ITGAE: variants seen among roughly 807,000 people sequenced by gnomAD.
The protein encoded by ITGAE is integrin subunit alpha E, also known as integrin alpha-E.
In ITGAE, 99 loss-of-function variants were observed where a neutral mutation model predicts 136.5. The observed-to-expected ratio is 0.73, with a 90% CI of 0.62 to 0.86. ITGAE has a LOEUF of 0.86. ITGAE is among the 40% of genes least tolerant of loss of function. The pLI is 0.00. For synonymous variants in ITGAE, 613 were observed against 591.8 expected, an observed-to-expected ratio of 1.04 and a Z score of -0.52; for missense variants, 1,447 against 1,515.3, an observed-to-expected ratio of 0.95 and a Z score of 0.75.
At chr17:3,776,607 G>C (rs965354265) in intron 2 of ITGAE, among the ~76,000 whole-genome samples, 2 of 152,160 alleles carry the variant, frequency 1.3e-5, no homozygotes, top group East Asian at 3.9e-4. Flanking sequence ...GAGACAGGCC[G>C]GAGTGCAGTG....
At position 3,745,782 on chromosome 17, in the gene ITGAE, G is replaced by A. The variant is rs2143016487; in HGVS notation, c.2301C>T (p.Leu767=). The A allele has an allele frequency of 1.9e-6, 3 of 1,614,062 alleles. No individual in the cohort carries two copies. The highest frequency in any genetic ancestry group is 1.3e-5 in the African/African-American group (1 of 75,022). Residue 767 remains leucine, a synonymous_variant, in exon 18 of 31, where the codon CTC becomes CTT. Transcript: ENST00000263087. ...SGSQLCEDLL[L]MPTEGELCEE... is the part of the protein sequence containing the mutation. Reference sequence around the variant, plus strand: ...CACTTACCTCTCCCTCTGTGGGCATGAGCAGGAGGTCCTCACAAAGCTGGG... The same window carrying A: ...CACTTACCTCTCCCTCTGTGGGCATAAGCAGGAGGTCCTCACAAAGCTGGG...
In ITGAE at chr17:3,755,140, T is replaced by A; in HGVS notation, c.1361A>T (p.Glu454Val). 1 of 1,494,966 alleles carries A rather than the reference T, an allele frequency of 6.7e-7. No homozygotes were observed. The highest frequency in any genetic ancestry group is 8.9e-7 in the Non-Finnish European group (1 of 1,117,812). The allele number at this position is 1,494,966 out of a possible 1,614,324, so 92.6% of individuals were successfully genotyped here. A position where few individuals can be genotyped will look rare whatever the true frequency, so the allele number is the denominator to read the frequency against. The change falls in exon 12 of 31, where the codon GAG (glutamate) becomes GTG (valine). Residue 454 changes from glutamate to valine, a missense_variant. By Grantham distance (121) the Glu-to-Val change is moderately radical. Transcript: ENST00000263087. ...NQTAAAAADA[E>V]AAQYSYLGYA... ...ACCCAGGTAGCTGTACTGCGCAGCC[T>A]CCGCGTCTGCCGCCGCCGCCGCTGT...
At chr17:3,779,069 G>A (rs1311826950) in intron 1 of ITGAE, among the ~76,000 whole-genome samples, 2 of 151,124 alleles carry the variant, frequency 1.3e-5, no homozygotes, top group East Asian at 3.9e-4. Flanking sequence ...AAAAAAAAAT[G>A]CTTGAGAGGA....
chr17:3,737,022 G>A (rs896078887), intron 20 of ITGAE, among the ~76,000 whole-genome samples: 6 of 152,050 alleles, frequency 3.9e-5, no homozygotes, highest in East Asian at 1.9e-4. Context: ...GCCTGGACAC[G>A]GTGGCTCACG....
Position 3,799,793 on chromosome 17 carries a change from T to C in ITGAE, c.34+1318A>G, listed in dbSNP as rs149784697. Among the ~76,000 whole-genome samples the C allele has an allele frequency of 4.9e-4, 74 of 152,352 alleles. No homozygotes were observed. Among genetic ancestry groups the C allele is most frequent in the Non-Finnish European group, 9.4e-4 (64 of 68,030 alleles). Reference sequence around the variant, plus strand: ...AAATAAAAGGAAGTTCAACAAACTGTTGACCTTTCCATGGTGACTATTCTG... The same window carrying C: ...AAATAAAAGGAAGTTCAACAAACTGCTGACCTTTCCATGGTGACTATTCTG... On this transcript the variant is annotated intron_variant, in intron 1 of 30. Transcript: ENST00000263087. The surrounding 1 kb of genome is among the most constrained non-coding windows in gnomAD (Gnocchi z 4.1).
At chr17:3,759,629 C>A in intron 7 of ITGAE, 76 bp from the exon 8 acceptor site, 2 of 1,542,784 alleles carry the variant, frequency 1.3e-6, no homozygotes, top group Non-Finnish European at 1.8e-6. Flanking sequence ...CCGCTGGAAG[C>A]AGCAGAAAAA....
intron 1 of ITGAE, among the ~76,000 whole-genome samples, chr17:3,792,311 G>A (rs992933179): frequency 2.0e-5 from 3 of 152,096 alleles, no homozygotes; most frequent in Non-Finnish European, 4.4e-5. Flanking sequence ...TAGTAGAGGT[G>A]GGGTTTCACC....
intron 5 of ITGAE, 50 bp from the exon 6 acceptor site, chr17:3,761,227 G>T (rs2272607): frequency 3.1e-6 from 5 of 1,588,588 alleles, no homozygotes; most frequent in Middle Eastern, 1.7e-4. Flanking sequence ...CTCCATCCTC[G>T]CCTGAGCACG....
intron 2 of ITGAE, among the ~76,000 whole-genome samples, chr17:3,770,795 G>T (rs908963603): frequency 6.6e-6 from 1 of 152,142 alleles, no homozygotes; most frequent in Non-Finnish European, 1.5e-5. Flanking sequence ...TGGACTCAGA[G>T]CCCTCTGCGA....
chr17:3,726,396 C>G, intron 26 of ITGAE: 1 of 1,143,736 alleles, frequency 8.7e-7, no homozygotes, highest in Non-Finnish European at 1.3e-6. Flanking sequence ...GGTGCTGTTT[C>G]AACCTCCATC....
chr17:3,729,253 C>T (rs368190636), intron 24 of ITGAE: 45 of 510,592 alleles, frequency 8.8e-5, no homozygotes, highest in Non-Finnish European at 1.4e-4. Flanking sequence ...TTTTGTAGCA[C>T]GACTAGTTGG....
At chr17:3,746,209 C>T (rs919247948) in intron 17 of ITGAE, among the ~76,000 whole-genome samples, 6 of 151,922 alleles carry the variant, frequency 3.9e-5, no homozygotes, top group Admixed American at 2.6e-4. Context: ...GGAAGGGGAT[C>T]GAGATTGAAG....
At position 3,770,643 on chromosome 17, in the gene ITGAE, G is replaced by A. The variant is rs138672473; in HGVS notation, c.156-6683C>T. 6.1e-3 allele frequency among the ~76,000 whole-genome samples: 933 copies of A among 152,270 alleles called. 19 individuals carry two copies. Among genetic ancestry groups the A allele is most frequent in the African/African-American group, 0.021 (871 of 41,558 alleles). ...TTCCTGCCCCATGCAGCAGGCCCGT[G>A]GTCTCAGGCCCCACTCTCTGCAGCA... On this transcript the variant is annotated intron_variant, in intron 2 of 30. Transcript: ENST00000263087.
In ITGAE at chr17:3,738,465, G is replaced by A. The variant is rs1037339670; in HGVS notation, c.2522+1340C>T. Among the ~76,000 whole-genome samples the A allele has an allele frequency of 3.9e-5, 6 of 152,074 alleles. No individual in the cohort carries two copies. In the South Asian group the frequency reaches 1.0e-3, roughly 26 times the overall value. Reference sequence around the variant, plus strand: ...ATTACAGGCATGAGCCACCGCGCCCGGCCTGGGGGGCATTCTAAGACCACT... The same window carrying A: ...ATTACAGGCATGAGCCACCGCGCCCAGCCTGGGGGGCATTCTAAGACCACT... On this transcript the variant is annotated intron_variant, in intron 20 of 30. Coordinates refer to ENST00000263087, the MANE Select transcript of ITGAE (RefSeq NM_002208.5).
rs1161669258 is a variant in ITGAE at position 3,722,479 on chromosome 17, T to TA, written c.3237+808dup. 409 of 106,800 alleles carry TA rather than the reference T, an allele frequency of 3.8e-3. 5 individuals carry two copies. The highest frequency in any genetic ancestry group is 0.015 in the South Asian group (49 of 3,184). The allele number at this position is 106,800 out of a possible 1,614,324, so 6.6% of individuals were successfully genotyped here. A position where few individuals can be genotyped will look rare whatever the true frequency, so the allele number is the denominator to read the frequency against. ...CCGGGTGACAGAGCAAGACTCCATC[T>TA]AAAAAAAAAAAAAAAAAAAAGAAAA... On this transcript the variant is annotated intron_variant, in intron 28 of 30. Transcript: ENST00000263087.
At chr17:3,769,833 GCAT>G in intron 2 of ITGAE, among the ~76,000 whole-genome samples, 1 of 151,858 alleles carries the variant, frequency 6.6e-6, no homozygotes, top group Non-Finnish European at 1.5e-5. Context: ...GGGATTACAG[GCAT>G]GTGCCACCAC....
intron 26 of ITGAE, among the ~76,000 whole-genome samples, chr17:3,727,292 T>C (rs1047390892): frequency 6.6e-6 from 1 of 152,006 alleles, no homozygotes; most frequent in South Asian, 2.1e-4. Flanking sequence ...AAGCAACTTA[T>C]AGGGGGCAGT....
At chr17:3,760,879 G>C in intron 6 of ITGAE, 134 bp downstream of exon 6, 1 of 1,317,920 alleles carries the variant, frequency 7.6e-7, no homozygotes, top group Non-Finnish European at 1.0e-6. Context: ...GGGTGGAGCT[G>C]GTACAGGTCA....
rs1384844649 is a variant in ITGAE, at chr17:3,798,812, G to A, written c.34+2299C>T. 1.3e-5 allele frequency among the ~76,000 whole-genome samples: 2 copies of A among 152,222 alleles called. No individual in the cohort carries two copies. The highest frequency in any genetic ancestry group is 2.9e-5 in the Non-Finnish European group (2 of 68,028). On this transcript the variant is annotated intron_variant, in intron 1 of 30. Coordinates refer to ENST00000263087, the MANE Select transcript of ITGAE (RefSeq NM_002208.5). This position sits in a 1 kb window ranked among gnomAD's most constrained non-coding sequence, Gnocchi z 4.3. Reference sequence around the variant, plus strand: ...TGTGACTGCAGAATGAGTCAGGGGTGAAGACTGACTTGGGGACAGCAGGCC... The same window carrying A: ...TGTGACTGCAGAATGAGTCAGGGGTAAAGACTGACTTGGGGACAGCAGGCC...
Sources: allele counts gnomAD v4.1 joint callset (sites outside exome capture counted in the v4.1 genomes callset), GRCh38; gene constraint gnomAD v4.1.1; non-coding constraint Gnocchi (gnomAD v3.1); transcripts MANE v1.5; gene names NCBI Gene and HGNC (gene_info 2026-07-23, HGNC 2026-07-21).